CTR9: variants seen among roughly 807,000 people sequenced by gnomAD.
CTR9 encodes CTR9 component of Paf1/RNA polymerase II complex.
In CTR9, 41 loss-of-function variants were observed where a neutral mutation model predicts 152.1. The observed-to-expected ratio is 0.27, with a 90% CI of 0.21 to 0.35. The LOEUF (loss-of-function observed/expected upper bound fraction) is 0.35. Ranked by LOEUF, CTR9 falls within the 10% of genes least tolerant of loss-of-function variation. The probability of loss-of-function intolerance (pLI) is 1.00; values close to 1 mark genes in which losing one functional copy is unlikely to be tolerated. For missense variants in CTR9, 917 were observed against 1,424.4 expected, an observed-to-expected ratio of 0.64 and a Z score of 5.73; for synonymous variants, 476 against 496.2, an observed-to-expected ratio of 0.96 and a Z score of 0.54.
At chr11:10,770,723 T>TAAACAAA in intron 18 of CTR9, 91 bp downstream of exon 18, 1 of 1,215,682 alleles carries the variant, frequency 8.2e-7, no homozygotes, top group Non-Finnish European at 1.1e-6. Context: ...TGAAATGCTT[T>TAAACAAA]GTTTAAAGCT....
At chr11:10,768,708 A>C (rs1863097260) in intron 16 of CTR9, among the ~76,000 whole-genome samples, 1 of 152,206 alleles carries the variant, frequency 6.6e-6, no homozygotes, top group South Asian at 2.1e-4. Flanking sequence ...CAGGCAAAGG[A>C]CATCCTTTCT....
intron 16 of CTR9, among the ~76,000 whole-genome samples, chr11:10,769,010 C>T (rs1025818219): frequency 2.6e-5 from 4 of 152,060 alleles, no homozygotes; most frequent in Non-Finnish European, 4.4e-5. Flanking sequence ...ATCACGAGGT[C>T]AGGAGTTCGA....
intron 24 of CTR9, among the ~76,000 whole-genome samples, chr11:10,776,356 G>A (rs12802307): frequency 0.035 from 5,366 of 152,224 alleles, 121 homozygotes; most frequent in Middle Eastern, 0.071. Flanking sequence ...TACCTGCTCC[G>A]TGGAGGACTT....
intron 7 of CTR9, 96 bp from the exon 8 acceptor site, chr11:10,763,335 G>T: frequency 1.3e-6 from 1 of 796,784 alleles, no homozygotes; most frequent in Non-Finnish European, 2.1e-6. Context: ...AGATGGAAAT[G>T]TATCTTACAG....
Position 10,765,063 on chromosome 11 carries a change from A to T in CTR9, c.1597+332A>T, listed in dbSNP as rs548791456. ...CATCCTTCTTTGATTTCATATGAAC[A>T]TTCTTACAATGTTTATAATAGTGAG... is the stretch of plus-strand genomic sequence containing the variant. On this transcript the variant is annotated intron_variant, in intron 12 of 24. Coordinates refer to ENST00000361367, the MANE Select transcript of CTR9 (RefSeq NM_014633.5). 4.6e-5 allele frequency among the ~76,000 whole-genome samples: 7 copies of T among 152,356 alleles called. No homozygotes were observed. In the South Asian group the frequency reaches 1.4e-3, roughly 32 times the overall value.
chr11:10,762,133 G>A, intron 7 of CTR9, 79 bp downstream of exon 7: 1 of 923,718 alleles, frequency 1.1e-6, no homozygotes, highest in Non-Finnish European at 1.6e-6. Flanking sequence ...TTTAAACTTG[G>A]AAAGAAATTT....
intron 13 of CTR9, among the ~76,000 whole-genome samples, 187 bp downstream of exon 13, chr11:10,766,677 G>GT (rs1387874834): frequency 6.6e-6 from 1 of 152,096 alleles, no homozygotes; most frequent in Non-Finnish European, 1.5e-5. Flanking sequence ...TAGGGACCAT[G>GT]TTTTTTTATG....
Position 10,755,049 on chromosome 11 carries a change from A to G in CTR9, c.236A>G (p.Glu79Gly), listed in dbSNP as rs1862863978. 1.2e-6 allele frequency: 2 copies of G among 1,614,148 alleles called. No homozygotes were observed. Among genetic ancestry groups the G allele is most frequent in the Non-Finnish European group, 1.7e-6 (2 of 1,179,996 alleles). ...GGCAATTTGGACTATAGAGACCATGAAAAAGACCAGATGACTTGCTTGGAT... is the reference window on the plus strand; with the variant it reads ...GGCAATTTGGACTATAGAGACCATGGAAAAGACCAGATGACTTGCTTGGAT... ...IDGNLDYRDH[E>G]KDQMTCLDTL... The change falls in exon 3 of 25, where the codon GAA (glutamate) becomes GGA (glycine). Residue 79 changes from glutamate to glycine, a missense_variant. Glu to Gly is a moderately conservative substitution (Grantham distance 98). This residue lies in a region of CTR9 where 67 missense variants were observed against 106.9 expected (regional missense o/e 0.63). Coordinates refer to ENST00000361367, the MANE Select transcript of CTR9 (RefSeq NM_014633.5).
chr11:10,761,707 A>G (rs1862980846), intron 6 of CTR9, among the ~76,000 whole-genome samples: 1 of 152,206 alleles, frequency 6.6e-6, no homozygotes, highest in African/African-American at 2.4e-5. Flanking sequence ...ATAAGTCTCA[A>G]GCAAGAACTG....
chr11:10,764,849 C>A, intron 12 of CTR9, 118 bp downstream of exon 12: 1 of 913,844 alleles, frequency 1.1e-6, no homozygotes, highest in African/African-American at 1.7e-5. Flanking sequence ...TTCTAATGTC[C>A]CCATTTCTCC....
Position 10,764,250 on chromosome 11 carries a change from G to C in CTR9, c.1284+49G>C. ...CTCTCATATGATGTGTTTTTTGTAA[G>C]CCTGGTGTAGTGTCTCTCTTCCACT... On this transcript the variant is annotated intron_variant, in intron 10 of 24. Transcript: ENST00000361367. 3 of 1,613,504 alleles carry C rather than the reference G, an allele frequency of 1.9e-6. No homozygotes were observed. The South Asian group carries it at 3.3e-5, about 18-fold the overall frequency.
At position 10,775,617 on chromosome 11, in the gene CTR9, A is replaced by G; in HGVS notation, c.3079A>G (p.Lys1027Glu). Reference protein sequence around the residue: ...SDDSSDEDKLKIADEGHPRNS... With the variant: ...SDDSSDEDKLEIADEGHPRNS... ...TGACTCTTCGGATGAGGATAAACTT[A>G]AAATTGCTGATGAAGGGTAGGATAT... Residue 1027 changes from lysine to glutamate, a missense_variant, in exon 24 of 25, where the codon AAA becomes GAA. Around this residue, in one of 9 missense-constraint regions of CTR9, gnomAD observed 384 missense variants for 398.4 expected, o/e 0.96. Coordinates refer to ENST00000361367, the MANE Select transcript of CTR9 (RefSeq NM_014633.5). 6.2e-7 allele frequency: 1 copy of G among 1,608,260 alleles called. No individual in the cohort carries two copies. Among genetic ancestry groups the G allele is most frequent in the East Asian group, 2.2e-5 (1 of 44,796 alleles).
rs777560539 is a variant in CTR9 at position 10,760,340 on chromosome 11, T to A, written c.741+19T>A. ...TAAAGAGGTATGTAAATGAAAAAAG[T>A]ATCTAGCTCCTAACTGCTTTGTCAG... is the stretch of plus-strand genomic sequence containing the variant. On this transcript the variant is annotated intron_variant, in intron 6 of 24. Coordinates refer to ENST00000361367, the MANE Select transcript of CTR9 (RefSeq NM_014633.5). The A allele has an allele frequency of 1.9e-6, 3 of 1,604,030 alleles. No individual in the cohort carries two copies. In the Admixed American group the frequency reaches 5.1e-5, roughly 27 times the overall value.
intron 6 of CTR9, among the ~76,000 whole-genome samples, chr11:10,761,022 T>C (rs1470118558): frequency 2.6e-5 from 4 of 152,238 alleles, no homozygotes; most frequent in Non-Finnish European, 5.9e-5. Flanking sequence ...CTTCCCCTTA[T>C]GTATAATTGT....
intron 24 of CTR9, among the ~76,000 whole-genome samples, chr11:10,775,901 A>C (rs1863226733): frequency 6.6e-6 from 1 of 152,136 alleles, no homozygotes; most frequent in African/African-American, 2.4e-5. Flanking sequence ...TTTCTCTCAA[A>C]TAAGAAAAGC....
At chr11:10,765,842 T>A (rs986260916) in intron 12 of CTR9, among the ~76,000 whole-genome samples, 3 of 152,224 alleles carry the variant, frequency 2.0e-5, no homozygotes, top group African/African-American at 7.2e-5. Context: ...TTCAGTTGAA[T>A]GCCAGACTGA....
At position 10,778,821 on chromosome 11, in the gene CTR9, C is replaced by A. The variant is rs751972247; in HGVS notation, c.3238C>A (p.Arg1080=). 6.2e-7 allele frequency: 1 copy of A among 1,614,202 alleles called. No individual in the cohort carries two copies. The highest frequency in any genetic ancestry group is 8.5e-7 in the Non-Finnish European group (1 of 1,180,044). ...AGSPRRPRRQ[R]SDQDSDSDQP... is the part of the protein sequence containing the mutation. ...CAGTCCCCGGAGGCCACGAAGACAG[C>A]GGTCAGATCAGGACTCAGACAGTGA... Residue 1080 remains arginine (R), a synonymous_variant, in exon 25 of 25, where the codon CGG becomes AGG. Coordinates refer to ENST00000361367, the MANE Select transcript of CTR9 (RefSeq NM_014633.5).
At chr11:10,775,358 T>C (rs1279616098) in intron 23 of CTR9, 55 bp downstream of exon 23, 1 of 1,430,032 alleles carries the variant, frequency 7.0e-7, no homozygotes, top group Non-Finnish European at 9.8e-7. Context: ...AAGATTGCAG[T>C]ACACTAGAAT....
chr11:10,764,138 G>A lies in CTR9; in HGVS notation c.1221G>A (p.Gln407=), dbSNP rs1448641170. The A allele has an allele frequency of 6.2e-7, 1 of 1,614,170 alleles. No homozygotes were observed. The highest frequency in any genetic ancestry group is 1.1e-5 in the South Asian group (1 of 91,086). ...AKGHLKKVTE[Q]YPDDVEAWIE... is the part of the protein sequence containing the mutation. Reference sequence around the variant, plus strand: ...GCCATTTGAAGAAGGTCACAGAACAGTATCCCGATGATGTTGAAGCTTGGA... The same window carrying A: ...GCCATTTGAAGAAGGTCACAGAACAATATCCCGATGATGTTGAAGCTTGGA... Residue 407 remains glutamine, a synonymous_variant, in exon 10 of 25, where the codon CAG becomes CAA. Coordinates refer to ENST00000361367, the MANE Select transcript of CTR9 (RefSeq NM_014633.5).
Sources: gnomAD v4.1 joint callset for allele counts (sites outside exome capture counted in the v4.1 genomes callset) on GRCh38, gnomAD v4.1.1 for gene constraint, gnomAD v4.1.1 regional missense constraint, MANE v1.5 for transcripts, NCBI Gene and HGNC (gene_info 2026-07-23, HGNC 2026-07-21) for gene names.